TSNARE1: variants seen among roughly 807,000 people sequenced by gnomAD.
TSNARE1 encodes t-SNARE domain-containing protein 1.
TSNARE1 carries 49 observed loss-of-function variants against 62.0 expected under a neutral mutation model. The ratio of observed to expected loss-of-function variants is 0.79; its 90% CI spans 0.63 to 1.00. TSNARE1 has a LOEUF of 1.00. Among genes scored for constraint, TSNARE1 ranks in the 50% least tolerant of loss-of-function variants. TSNARE1 has a pLI of 0.00. For synonymous variants in TSNARE1, 328 were observed against 294.4 expected (o/e 1.11, Z -1.17); for missense variants, 755 against 700.1 (o/e 1.08, Z -0.88).
At chr8:142,314,254 G>A (rs1828143546) in intron 9 of TSNARE1, 130 bp downstream of exon 9, 2 of 775,384 alleles carry the variant, frequency 2.6e-6, no homozygotes, top group Admixed American at 5.4e-5. Context: ...TTTCAAGGCT[G>A]TGCCTCAGGG....
At chr8:142,296,175 A>G (rs866585879) in intron 10 of TSNARE1, among the ~76,000 whole-genome samples, 1 of 12,020 alleles carries the variant, frequency 8.3e-5, no homozygotes. Context: ...ACCATGGGAG[A>G]GGGGGTGGTG....
At position 142,374,745 on chromosome 8, in the gene TSNARE1, A is replaced by T. The variant is rs145421280; in HGVS notation, c.-39-19982T>A. Among the ~76,000 whole-genome samples the T allele has an allele frequency of 1.8e-3, 272 of 151,862 alleles. 2 individuals are homozygous for T. Among genetic ancestry groups the T allele is most frequent in the African/African-American group, 6.0e-3 (250 of 41,418 alleles). ...GCCCCTGGAGAGTTTTCTCAAACAA[A>T]GACCATCTGAAAAGGGGAAGGAGGC... is the stretch of plus-strand genomic sequence containing the variant. On this transcript the variant is annotated intron_variant, in intron 1 of 13. Coordinates refer to ENST00000524325, the MANE Select transcript of TSNARE1 (RefSeq NM_145003.5).
intron 10 of TSNARE1, among the ~76,000 whole-genome samples, chr8:142,287,064 C>T (rs1433521277): frequency 6.6e-6 from 1 of 152,262 alleles, no homozygotes; most frequent in Non-Finnish European, 1.5e-5. Context: ...TTTAGACAGA[C>T]TCCAACCCAG....
chr8:142,302,795 C>G (rs1022300925), intron 9 of TSNARE1, among the ~76,000 whole-genome samples: 1 of 152,086 alleles, frequency 6.6e-6, no homozygotes, highest in East Asian at 1.9e-4. Context: ...GAATGGAAAT[C>G]CAGGCTAGAC....
chr8:142,265,206 CCCA>C (rs1271877742), intron 12 of TSNARE1, among the ~76,000 whole-genome samples: 3 of 151,906 alleles, frequency 2.0e-5, no homozygotes, highest in Admixed American at 6.6e-5. Context: ...ACAAAACTGT[CCCA>C]CCACCACAAG....
intron 2 of TSNARE1, among the ~76,000 whole-genome samples, chr8:142,352,000 T>A (rs1481869051): frequency 6.6e-6 from 1 of 152,214 alleles, no homozygotes; most frequent in Non-Finnish European, 1.5e-5. Flanking sequence ...AGCATTATCA[T>A]CTTGTGATGG....
chr8:142,333,622 G>A lies in TSNARE1; in HGVS notation c.746-1791C>T, dbSNP rs149392186. On this transcript the variant is annotated intron_variant, in intron 4 of 13. Transcript: ENST00000524325. Reference sequence around the variant, plus strand: ...ACAAGGCCCAAGCCCAGCTCTGCTTGGGGTTTCTGAGCTGCCTGGCCAGGG... The same window carrying A: ...ACAAGGCCCAAGCCCAGCTCTGCTTAGGGTTTCTGAGCTGCCTGGCCAGGG... Among the ~76,000 whole-genome samples the A allele has an allele frequency of 2.3e-3, 356 of 152,222 alleles. 1 individual carries two copies. The highest frequency in any genetic ancestry group is 0.021 in the South Asian group (100 of 4,818).
At chr8:142,277,931 C>T (rs2130700826) in intron 11 of TSNARE1, 1 of 985,416 alleles carries the variant, frequency 1.0e-6, no homozygotes, top group South Asian at 4.7e-5. Flanking sequence ...CACCACATGT[C>T]TATCCTTGCC....
At chr8:142,322,848 C>A (rs879481504) in intron 6 of TSNARE1, among the ~76,000 whole-genome samples, 1 of 145,436 alleles carries the variant, frequency 6.9e-6, no homozygotes. Flanking sequence ...GAAAGGCCGG[C>A]CTGGCCGTGT....
rs572581080 is a variant in TSNARE1 at position 142,382,502 on chromosome 8, A to G, written c.-40+20602T>C. ...ACAGCAAGATGCCAGCGCCTGAGTC[A>G]TGCGGGCAGGGGGCAGGGAGCACCC... is the stretch of plus-strand genomic sequence containing the variant. On this transcript the variant is annotated intron_variant, in intron 1 of 13. Coordinates refer to ENST00000524325, the MANE Select transcript of TSNARE1 (RefSeq NM_145003.5). Among the ~76,000 whole-genome samples, 56 of 152,268 alleles carry G rather than the reference A, an allele frequency of 3.7e-4. No homozygotes were observed. The South Asian group carries it at 0.011, about 31-fold the overall frequency.
intron 4 of TSNARE1, among the ~76,000 whole-genome samples, chr8:142,338,663 A>G (rs1028907711): frequency 2.6e-5 from 4 of 152,260 alleles, no homozygotes; most frequent in Admixed American, 1.3e-4. Context: ...CTGGCCAGGC[A>G]GTTCCCCAGT....
intron 11 of TSNARE1, among the ~76,000 whole-genome samples, chr8:142,282,421 T>C (rs1263559505): frequency 1.3e-5 from 2 of 149,392 alleles, no homozygotes; most frequent in Admixed American, 1.3e-4. Flanking sequence ...CCAGTGTCTA[T>C]TAATGAGCGG....
At chr8:142,231,703 C>A (rs1332941733) in intron 12 of TSNARE1, among the ~76,000 whole-genome samples, 1 of 152,180 alleles carries the variant, frequency 6.6e-6, no homozygotes, top group Non-Finnish European at 1.5e-5. Context: ...TCCCCCACCA[C>A]GGCACAGAGG....
At chr8:142,353,160 C>G (rs1021980035) in intron 2 of TSNARE1, among the ~76,000 whole-genome samples, 2 of 152,084 alleles carry the variant, frequency 1.3e-5, no homozygotes, top group South Asian at 4.1e-4. Context: ...CCCGAGGGCC[C>G]TCCTTCACCT....
chr8:142,252,676 C>T (rs73364675), intron 12 of TSNARE1, among the ~76,000 whole-genome samples: 2,966 of 152,348 alleles, frequency 0.019, 89 homozygotes, highest in African/African-American at 0.061. Context: ...ATTTATCCTT[C>T]CCTGGAAGTG....
intron 13 of TSNARE1, among the ~76,000 whole-genome samples, chr8:142,227,146 C>G (rs564549066): frequency 6.6e-6 from 1 of 151,240 alleles, no homozygotes; most frequent in Non-Finnish European, 1.5e-5. Context: ...ACCCACACCC[C>G]AGTGACAGCC....
At position 142,300,502 on chromosome 8, in the gene TSNARE1, G is replaced by A. The variant is rs1286530182; in HGVS notation, c.1274C>T (p.Ala425Val). 6.2e-7 allele frequency: 1 copy of A among 1,605,504 alleles called. No homozygotes were observed. Among genetic ancestry groups the A allele is most frequent in the Non-Finnish European group, 8.5e-7 (1 of 1,179,094 alleles). ...CAGCCTCACCTCCATCTGCAGGATG[G>A]CCTCCTCCCGCAGCCGGATGGCCTC... ...DLEAIRLREE[A>V]ILQMESNLLD... is the part of the protein sequence containing the mutation. The change falls in exon 10 of 14, where the codon GCC becomes GTC. Residue 425 changes from alanine to valine, a missense_variant. Transcript: ENST00000524325.
At chr8:142,379,088 A>G (rs1836541884) in intron 1 of TSNARE1, among the ~76,000 whole-genome samples, 1 of 152,182 alleles carries the variant, frequency 6.6e-6, no homozygotes, top group Admixed American at 6.5e-5. Flanking sequence ...GCAGAGGACC[A>G]AGCCCGCAGC....
chr8:142,222,101 TC>T (rs1416688801), intron 13 of TSNARE1, among the ~76,000 whole-genome samples: 2 of 27,294 alleles, frequency 7.3e-5, no homozygotes, highest in African/African-American at 1.2e-4. Flanking sequence ...ACTCATCCAC[TC>T]CACTCACTCA....
Sources: gnomAD v4.1 joint callset for allele counts (sites outside exome capture counted in the v4.1 genomes callset) on GRCh38, gnomAD v4.1.1 for gene constraint, MANE v1.5 for transcripts, NCBI Gene and HGNC (gene_info 2026-07-23, HGNC 2026-07-21) for gene names.